The following ZDHHC4 variants were observed in gnomAD, a reference collection of about 807,000 sequenced individuals.
ZDHHC4 encodes palmitoyltransferase ZDHHC4.
Under a neutral mutation model 36.7 loss-of-function variants are expected in ZDHHC4, and 42 were observed. The ratio of observed to expected loss-of-function variants is 1.14; its 90% CI spans 0.89 to 1.48. The LOEUF is 1.48. ZDHHC4 is among the 40% of genes most tolerant of loss of function. The probability of loss-of-function intolerance (pLI) is 0.00; values close to 1 mark genes in which losing one functional copy is unlikely to be tolerated. For synonymous variants in ZDHHC4, 189 were observed against 166.6 expected (o/e 1.13, Z -1.03); for missense variants, 457 against 421.5 (o/e 1.08, Z -0.74).
intron 6 of ZDHHC4, 60 bp from the exon 7 acceptor site, chr7:6,584,955 TG>T (rs1781128919): frequency 6.3e-7 from 1 of 1,596,458 alleles, no homozygotes; most frequent in African/African-American, 1.3e-5. Flanking sequence ...TCTCAGCAGG[TG>T]TGCGGTGTCC....
chr7:6,584,976 C>G (rs767896286), intron 6 of ZDHHC4, 40 bp from the exon 7 acceptor site: 2 of 1,609,656 alleles, frequency 1.2e-6, no homozygotes, highest in Non-Finnish European at 1.7e-6. Context: ...CTTGTCTCGT[C>G]AAGCACCATC....
At chr7:6,579,305 A>T (rs1380956441) in intron 2 of ZDHHC4, among the ~76,000 whole-genome samples, 1 of 150,834 alleles carries the variant, frequency 6.6e-6, no homozygotes, top group East Asian at 2.0e-4. Context: ...GGTTCAAGAG[A>T]TTCTCCTGCC....
intron 2 of ZDHHC4, among the ~76,000 whole-genome samples, chr7:6,580,006 G>T (rs1332207503): frequency 2.0e-5 from 3 of 151,880 alleles, no homozygotes; most frequent in Non-Finnish European, 4.4e-5. Context: ...CATGGGGTGC[G>T]TGCCTATAAT....
At chr7:6,583,502 G>A in intron 6 of ZDHHC4, 71 bp downstream of exon 6, 1 of 1,547,170 alleles carries the variant, frequency 6.5e-7, no homozygotes, top group Non-Finnish European at 8.7e-7. Flanking sequence ...GTGAGGGAAT[G>A]TTTCCTGAAT....
intron 7 of ZDHHC4, among the ~76,000 whole-genome samples, chr7:6,586,727 C>G (rs377222635): frequency 4.4e-4 from 67 of 152,296 alleles, no homozygotes; most frequent in African/African-American, 1.5e-3. Context: ...CCACCCGCCT[C>G]GGCCTCCCAA....
intron 3 of ZDHHC4, chr7:6,580,972 C>T: frequency 2.6e-6 from 1 of 383,804 alleles, no homozygotes. Context: ...TCGTTGATGG[C>T]AGTTGTGGGA....
intron 2 of ZDHHC4, among the ~76,000 whole-genome samples, 180 bp from the exon 3 acceptor site, chr7:6,580,375 T>C (rs538379561): frequency 1.4e-4 from 22 of 152,258 alleles, no homozygotes; most frequent in African/African-American, 3.9e-4. Flanking sequence ...GCCTCTGTTA[T>C]GTGTGCCTAA....
intron 6 of ZDHHC4, 46 bp downstream of exon 6, chr7:6,583,477 G>A: frequency 1.3e-6 from 2 of 1,579,576 alleles, no homozygotes; most frequent in Non-Finnish European, 1.7e-6. Context: ...AACAGCACAT[G>A]TGTGGGCTTC....
chr7:6,586,814 G>A (rs1335970786), intron 7 of ZDHHC4, among the ~76,000 whole-genome samples: 1 of 152,032 alleles, frequency 6.6e-6, no homozygotes, highest in Non-Finnish European at 1.5e-5. Context: ...GTATTCCGCT[G>A]TATGGATAGA....
In ZDHHC4 at chr7:6,580,664, A is replaced by T; in HGVS notation, c.103A>T (p.Arg35Trp). 6.2e-7 allele frequency: 1 copy of T among 1,614,132 alleles called. No homozygotes were observed. The highest frequency in any genetic ancestry group is 1.3e-5 in the African/African-American group (1 of 75,044). Residue 35 changes from arginine (R) to tryptophan (W), a missense_variant, in exon 3 of 8, where the codon AGG (arginine) becomes TGG (tryptophan). Arg to Trp is a moderately radical substitution (Grantham distance 101). Transcript: ENST00000335965. The part of the protein sequence containing the change: ...SKTHSLKGLA[R>W]GGAQIFSCII... ...AACCCATAGCTTGAAAGGCCTGGCC[A>T]GGGGAGGAGCACAGGTAAGGATGAT...
At chr7:6,583,469 C>G in intron 6 of ZDHHC4, 38 bp downstream of exon 6, 1 of 1,588,642 alleles carries the variant, frequency 6.3e-7, no homozygotes, top group African/African-American at 1.4e-5. Context: ...GCACCTCCAA[C>G]AGCACATGTG....
chr7:6,585,196 A>T lies in ZDHHC4; in HGVS notation c.677A>T (p.Tyr226Phe). The change falls in exon 7 of 8, where the codon TAC becomes TTC. Residue 226 changes from tyrosine (Y) to phenylalanine (F), a missense_variant. Physicochemically the swap from Tyr to Phe is conservative, Grantham distance 22. Transcript: ENST00000335965. Reference sequence around the variant, plus strand: ...CACTTGGTGGTGATGTCAGATTTATACCAGGAGACTTACATCGATGACCTT... The same window carrying T: ...CACTTGGTGGTGATGTCAGATTTATTCCAGGAGACTTACATCGATGACCTT... Reference protein sequence around the residue: ...LVHLVVMSDLYQETYIDDLGH... With the variant: ...LVHLVVMSDLFQETYIDDLGH... 6.2e-7 allele frequency: 1 copy of T among 1,614,166 alleles called. No homozygotes were observed. Among genetic ancestry groups the T allele is most frequent in the Non-Finnish European group, 8.5e-7 (1 of 1,180,038 alleles).
At chr7:6,584,943 A>G (rs974718915) in intron 6 of ZDHHC4, 73 bp from the exon 7 acceptor site, 1 of 1,580,690 alleles carries the variant, frequency 6.3e-7, no homozygotes, top group Admixed American at 1.7e-5. Context: ...AGATTATGAA[A>G]ATCTCAGCAG....
At chr7:6,580,437 CATTA>C in intron 2 of ZDHHC4, 114 bp from the exon 3 acceptor site, 3 of 829,352 alleles carry the variant, frequency 3.6e-6, no homozygotes, top group Non-Finnish European at 6.1e-6. Context: ...TTTGAGATGT[CATTA>C]AAGTCTAGAT....
chr7:6,586,353 C>G (rs559348272), intron 7 of ZDHHC4, among the ~76,000 whole-genome samples: 1 of 152,164 alleles, frequency 6.6e-6, no homozygotes, highest in Admixed American at 6.5e-5. Flanking sequence ...TTCTGTCTTT[C>G]GGGATAGGCC....
chr7:6,580,808 T>A, intron 3 of ZDHHC4, 130 bp downstream of exon 3: 2 of 838,470 alleles, frequency 2.4e-6, no homozygotes, highest in Non-Finnish European at 3.8e-6. Flanking sequence ...ATCCCGCTAC[T>A]CAGGAAGCTG....
chr7:6,583,041 C>G (rs1440181925), intron 5 of ZDHHC4, among the ~76,000 whole-genome samples: 1 of 152,050 alleles, frequency 6.6e-6, no homozygotes, highest in African/African-American at 2.4e-5. Flanking sequence ...GCCACGCGTG[C>G]ATTAGCACGC....
chr7:6,585,493 G>A (rs1374487369), intron 7 of ZDHHC4, among the ~76,000 whole-genome samples: 2 of 151,840 alleles, frequency 1.3e-5, no homozygotes, highest in Non-Finnish European at 2.9e-5. Flanking sequence ...TAGAGACCTT[G>A]TCTCTACAAA....
At chr7:6,588,499 A>G (rs1221646951) in intron 7 of ZDHHC4, 118 bp from the exon 8 acceptor site, 1 of 1,048,466 alleles carries the variant, frequency 9.5e-7, no homozygotes, top group African/African-American at 1.6e-5. Flanking sequence ...TCTGGACACA[A>G]GTAGGTGGGC....
Sources: gnomAD v4.1 joint callset for allele counts (sites outside exome capture counted in the v4.1 genomes callset) on GRCh38, gnomAD v4.1.1 for gene constraint, MANE v1.5 for transcripts, NCBI Gene and HGNC (gene_info 2026-07-23, HGNC 2026-07-21) for gene names.